SCAPER: variants seen among roughly 807,000 people sequenced by gnomAD.
SCAPER encodes S phase cyclin A-associated protein in the endoplasmic reticulum.
SCAPER carries 98 observed loss-of-function variants against 182.2 expected under a neutral mutation model. That is an observed-to-expected ratio of 0.54 (90% CI 0.46 to 0.64). SCAPER has a LOEUF of 0.64. SCAPER is among the 30% of genes least tolerant of loss of function. The pLI is 0.00. For missense variants in SCAPER, 1,432 were observed against 1,690.0 expected, an observed-to-expected ratio of 0.85 and a Z score of 2.68; for synonymous variants, 605 against 564.6, an observed-to-expected ratio of 1.07 and a Z score of -1.01.
chr15:76,882,907 G>A (rs372099268), intron 2 of SCAPER, among the ~76,000 whole-genome samples: 1 of 152,168 alleles, frequency 6.6e-6, no homozygotes. Flanking sequence ...CTTGTGATCC[G>A]CCCGTCTAGG....
At chr15:76,484,992 C>G (rs984537890) in intron 24 of SCAPER, among the ~76,000 whole-genome samples, 3 of 152,160 alleles carry the variant, frequency 2.0e-5, no homozygotes, top group Admixed American at 6.5e-5. Flanking sequence ...AAAACTGGCA[C>G]AAGACAAGGA....
intron 24 of SCAPER, among the ~76,000 whole-genome samples, chr15:76,483,279 A>C (rs1299009886): frequency 7.3e-6 from 1 of 137,928 alleles, no homozygotes; most frequent in Non-Finnish European, 1.6e-5. Context: ...TGCTAGAACA[A>C]CTGGATATTC....
intron 21 of SCAPER, among the ~76,000 whole-genome samples, chr15:76,634,365 C>A (rs1192221663): frequency 6.6e-6 from 1 of 152,148 alleles, no homozygotes; most frequent in Non-Finnish European, 1.5e-5. Context: ...ATGCAGAATT[C>A]TTGCCATTTT....
chr15:76,433,492 G>A (rs2046996730), intron 26 of SCAPER, among the ~76,000 whole-genome samples: 2 of 152,088 alleles, frequency 1.3e-5, no homozygotes, highest in South Asian at 4.1e-4. Context: ...CAGACTGGGT[G>A]ATAGAAAAAA....
intron 8 of SCAPER, among the ~76,000 whole-genome samples, chr15:76,788,554 G>A (rs2064778990): frequency 6.6e-6 from 1 of 152,136 alleles, no homozygotes; most frequent in South Asian, 2.1e-4. Flanking sequence ...GCTCATTCTT[G>A]TAACTGGTAT....
chr15:76,357,492 G>T (rs943070829), intron 29 of SCAPER, among the ~76,000 whole-genome samples: 1 of 152,140 alleles, frequency 6.6e-6, no homozygotes, highest in Non-Finnish European at 1.5e-5. Flanking sequence ...AAAAGAGAAC[G>T]CTTATACGCT....
intron 17 of SCAPER, among the ~76,000 whole-genome samples, chr15:76,710,254 T>C (rs140341385): frequency 6.5e-4 from 99 of 152,248 alleles, no homozygotes; most frequent in African/African-American, 2.2e-3. Context: ...CCATAAGCCT[T>C]TATGTATAAA....
At chr15:76,748,614 G>C (rs2061933343) in intron 15 of SCAPER, among the ~76,000 whole-genome samples, 1 of 150,752 alleles carries the variant, frequency 6.6e-6, no homozygotes, top group Non-Finnish European at 1.5e-5. Context: ...TAAGGATCTA[G>C]TATCCAGAAC....
At chr15:76,425,370 C>T (rs2046349890) in intron 26 of SCAPER, among the ~76,000 whole-genome samples, 1 of 152,196 alleles carries the variant, frequency 6.6e-6, no homozygotes, top group Non-Finnish European at 1.5e-5. Flanking sequence ...TTCATTTGAT[C>T]TTCAATCACT....
chr15:76,517,871 C>G (rs758840679), intron 23 of SCAPER, among the ~76,000 whole-genome samples: 5 of 151,492 alleles, frequency 3.3e-5, no homozygotes, highest in African/African-American at 1.2e-4. Context: ...GGAGGGATCC[C>G]GAGCTTTCTT....
chr15:76,870,956 C>A (rs1301059494), intron 2 of SCAPER, among the ~76,000 whole-genome samples: 2 of 151,898 alleles, frequency 1.3e-5, no homozygotes, highest in African/African-American at 4.8e-5. Context: ...ACAACAACAA[C>A]AAAAAACCTT....
At chr15:76,815,409 A>G (rs950592126) in intron 5 of SCAPER, among the ~76,000 whole-genome samples, 10 of 152,220 alleles carry the variant, frequency 6.6e-5, no homozygotes, top group African/African-American at 2.2e-4. Flanking sequence ...GTGTATATAT[A>G]CACACACATA....
intron 17 of SCAPER, among the ~76,000 whole-genome samples, chr15:76,713,545 C>A (rs957795335): frequency 6.6e-6 from 1 of 151,768 alleles, no homozygotes; most frequent in South Asian, 2.1e-4. Flanking sequence ...AACCAAACAC[C>A]GCATGTTCTT....
At chr15:76,445,352 T>C (rs899864529) in intron 25 of SCAPER, among the ~76,000 whole-genome samples, 1 of 152,260 alleles carries the variant, frequency 6.6e-6, no homozygotes, top group African/African-American at 2.4e-5. Context: ...CTTTTCTCAT[T>C]CAGGTTGAGA....
intron 10 of SCAPER, among the ~76,000 whole-genome samples, chr15:76,767,379 A>G (rs1312996040): frequency 6.6e-6 from 1 of 152,186 alleles, no homozygotes; most frequent in African/African-American, 2.4e-5. Context: ...AATAACAGGT[A>G]GTGTGAATTT....
chr15:76,375,469 T>A (rs2042492490), intron 29 of SCAPER, among the ~76,000 whole-genome samples: 1 of 151,898 alleles, frequency 6.6e-6, no homozygotes, highest in South Asian at 2.1e-4. Context: ...TCTAATACTA[T>A]ATGAAAAGTG....
At chr15:76,715,187 G>A (rs1264004859) in intron 17 of SCAPER, among the ~76,000 whole-genome samples, 2 of 130,958 alleles carry the variant, frequency 1.5e-5, no homozygotes, top group Admixed American at 1.6e-4. Context: ...ATACACCCCC[G>A]CCAATACTAC....
At chr15:76,721,222 G>T (rs2060218645) in intron 17 of SCAPER, among the ~76,000 whole-genome samples, 1 of 152,174 alleles carries the variant, frequency 6.6e-6, no homozygotes, top group Admixed American at 6.5e-5. Context: ...GTTTGTCAAA[G>T]ATCAGGTAGT....
intron 18 of SCAPER, among the ~76,000 whole-genome samples, chr15:76,705,154 C>G (rs1268435349): frequency 6.6e-6 from 1 of 151,902 alleles, no homozygotes; most frequent in Non-Finnish European, 1.5e-5. Context: ...CCCAAATGTC[C>G]AACATTGATA....
Sources: gnomAD v4.1 joint callset for allele counts (sites outside exome capture counted in the v4.1 genomes callset) on GRCh38, gnomAD v4.1.1 for gene constraint, MANE v1.5 for transcripts, NCBI Gene and HGNC (gene_info 2026-07-23, HGNC 2026-07-21) for gene names.